Variants in AKAP13 observed in about 807,000 individuals in gnomAD.
The protein encoded by AKAP13 is A-kinase anchoring protein 13, also known as A-kinase anchor protein 13.
Under a neutral mutation model 264.5 loss-of-function variants are expected in AKAP13, and 80 were observed. The ratio of observed to expected loss-of-function variants is 0.30; its 90% confidence interval spans 0.25 to 0.36. AKAP13 has a LOEUF of 0.36. Ranked by LOEUF, AKAP13 falls within the 10% of genes least tolerant of loss-of-function variation. The pLI, the probability that AKAP13 is intolerant of heterozygous loss-of-function variation, is 1.00. For missense variants in AKAP13, 3,712 were observed against 3,435.2 expected (o/e 1.08, Z -2.01); for synonymous variants, 1,380 against 1,250.2 (o/e 1.10, Z -2.19).
At chr15:85,521,919 G>A (rs1392235238) in intron 3 of AKAP13, among the ~76,000 whole-genome samples, 1 of 152,126 alleles carries the variant, frequency 6.6e-6, no homozygotes, top group Non-Finnish European at 1.5e-5. Context: ...ATTCTAGAGA[G>A]TCTCTAGGTA....
intron 1 of AKAP13, among the ~76,000 whole-genome samples, chr15:85,480,300 G>T (rs2075309283): frequency 6.6e-6 from 1 of 152,134 alleles, no homozygotes; most frequent in African/African-American, 2.4e-5. Context: ...GCCATTTATG[G>T]ATTTCAAAGT....
intron 1 of AKAP13, among the ~76,000 whole-genome samples, chr15:85,475,773 T>G (rs539603821): frequency 2.8e-4 from 43 of 152,338 alleles, no homozygotes; most frequent in African/African-American, 7.0e-4. Flanking sequence ...GATGAGTTGA[T>G]TTTTGTACTT....
intron 9 of AKAP13, among the ~76,000 whole-genome samples, chr15:85,640,497 A>T (rs1352625643): frequency 6.6e-6 from 1 of 152,202 alleles, no homozygotes; most frequent in Non-Finnish European, 1.5e-5. Flanking sequence ...TAACTTTACT[A>T]CAAAGGAAAT....
rs759526089 is a variant in AKAP13 at position 85,743,722 on chromosome 15, C to T, written c.8289C>T (p.Ala2763=). 2.5e-6 allele frequency: 4 copies of T among 1,614,128 alleles called. No individual in the cohort carries two copies. Among genetic ancestry groups the T allele is most frequent in the South Asian group, 2.2e-5 (2 of 91,072 alleles). ...AAGGACCAGAAGGGCAGAGCCAGGCCCCTGCGTCCACCTCTGCCTCTACCC... is the reference window on the plus strand; with the variant it reads ...AAGGACCAGAAGGGCAGAGCCAGGCTCCTGCGTCCACCTCTGCCTCTACCC... ...TNKGPEGQSQ[A]PASTSASTRL... The change falls in exon 36 of 37, where the codon GCC becomes GCT. Residue 2763 remains alanine, a synonymous_variant. Coordinates refer to ENST00000394518, the MANE Select transcript of AKAP13 (RefSeq NM_007200.5).
intron 18 of AKAP13, 97 bp from the exon 19 acceptor site, chr15:85,710,482 G>C (rs2086578618): frequency 8.3e-7 from 1 of 1,210,434 alleles, no homozygotes; most frequent in South Asian, 1.5e-5. Context: ...AAAAAGCAGA[G>C]TGGGAAAGGA....
intron 14 of AKAP13, among the ~76,000 whole-genome samples, chr15:85,676,114 T>C (rs1014416063): frequency 2.0e-5 from 3 of 152,134 alleles, no homozygotes; most frequent in Non-Finnish European, 4.4e-5. Flanking sequence ...GGTTTCACCG[T>C]GTTGGCCAGG....
At chr15:85,534,441 G>GT (rs576674839) in intron 4 of AKAP13, 38 of 150,700 alleles carry the variant, frequency 2.5e-4, no homozygotes, top group South Asian at 1.1e-3. Flanking sequence ...TTTGTTTTTT[G>GT]TTTTTTTTTG....
chr15:85,716,000 A>G, intron 20 of AKAP13, 77 bp downstream of exon 20: 1 of 1,456,028 alleles, frequency 6.9e-7, no homozygotes, highest in Non-Finnish European at 9.1e-7. Context: ...TATGACAAAA[A>G]GCTTTTTTTT....
intron 8 of AKAP13, chr15:85,619,636 C>G: frequency 1.0e-6 from 1 of 986,416 alleles, no homozygotes; most frequent in Non-Finnish European, 1.2e-6. Flanking sequence ...TTCTCTCCCT[C>G]TTCCTGGCAA....
chr15:85,613,419 C>T (rs1050164491), intron 8 of AKAP13, among the ~76,000 whole-genome samples: 6 of 152,158 alleles, frequency 3.9e-5, no homozygotes, highest in Admixed American at 3.9e-4. Context: ...CGGTGGCTCA[C>T]GCCTGTAATC....
intron 9 of AKAP13, among the ~76,000 whole-genome samples, chr15:85,641,524 C>T (rs928169821): frequency 2.7e-5 from 4 of 150,810 alleles, no homozygotes; most frequent in Admixed American, 6.6e-5. Flanking sequence ...CTCGCTCTGT[C>T]GCCCAGGCTG....
At chr15:85,552,099 G>T (rs552587185) in intron 5 of AKAP13, among the ~76,000 whole-genome samples, 10 of 152,296 alleles carry the variant, frequency 6.6e-5, no homozygotes, top group Non-Finnish European at 1.5e-4. Flanking sequence ...GAAGTTACGC[G>T]ATACAAGAAT....
chr15:85,592,782 T>C (rs947901554), intron 8 of AKAP13, among the ~76,000 whole-genome samples: 1 of 152,102 alleles, frequency 6.6e-6, no homozygotes, highest in Non-Finnish European at 1.5e-5. Flanking sequence ...TTTAATACAA[T>C]TGTGGAAAAG....
In AKAP13 at chr15:85,503,070, C is replaced by T. The variant is rs767434447; in HGVS notation, c.33+17317C>T. ...TTTTCTTTGTACCTAGTGTATGCTA[C>T]GTACTTGGTATACCTTGTTAAAATA... On this transcript the variant is annotated intron_variant, in intron 2 of 36. Coordinates refer to ENST00000394518, the MANE Select transcript of AKAP13 (RefSeq NM_007200.5). Among the ~76,000 whole-genome samples, 79 of 152,110 alleles carry T rather than the reference C, an allele frequency of 5.2e-4. 1 individual carries two copies. The highest frequency in any genetic ancestry group is 2.2e-4 in the Non-Finnish European group (15 of 68,028).
At chr15:85,583,504 G>A (rs187383430) in intron 7 of AKAP13, among the ~76,000 whole-genome samples, 7 of 152,130 alleles carry the variant, frequency 4.6e-5, no homozygotes, top group African/African-American at 1.7e-4. Context: ...ATTTAAATGA[G>A]GTCTCTAATT....
In AKAP13 at chr15:85,747,859, C is replaced by CTGTGACTCAGCAA. The variant is rs1184616236; in HGVS notation, c.*3182_*3183insTGTGACTCAGCAA. The CTGTGACTCAGCAA allele has an allele frequency of 1.3e-5, 2 of 153,268 alleles. No individual in the cohort carries two copies. Among genetic ancestry groups the CTGTGACTCAGCAA allele is most frequent in the African/African-American group, 4.8e-5 (2 of 41,410 alleles). The allele number at this position is 153,268 out of a possible 1,614,324, so 9.5% of individuals were successfully genotyped here. A position where few individuals can be genotyped will look rare whatever the true frequency, so the allele number is the denominator to read the frequency against. On this transcript the variant is annotated 3_prime_UTR_variant, in exon 37 of 37. Transcript: ENST00000394518. ...TTCTGTGTCTCAGGGTAATACTATT[C>CTGTGACTCAGCAA]AGAGTCGCCCCTTTGCTCATTTTCT...
chr15:85,443,408 C>T (rs1811184628), intron 1 of AKAP13, among the ~76,000 whole-genome samples: 1 of 152,146 alleles, frequency 6.6e-6, no homozygotes, highest in Non-Finnish European at 1.5e-5. Flanking sequence ...TAACTAATTA[C>T]TAGCTGTGGA....
chr15:85,672,988 C>G (rs186017838), intron 14 of AKAP13, among the ~76,000 whole-genome samples: 8 of 152,272 alleles, frequency 5.3e-5, no homozygotes, highest in Admixed American at 4.6e-4. Flanking sequence ...CTAAACTCAT[C>G]CTAATCTCAC....
chr15:85,483,397 C>T (rs1166660757), intron 1 of AKAP13, among the ~76,000 whole-genome samples: 5 of 152,212 alleles, frequency 3.3e-5, no homozygotes, highest in Admixed American at 1.3e-4. Flanking sequence ...GAGGCCGAGG[C>T]GGGTGGATCA....
Sources: allele counts gnomAD v4.1 joint callset (sites outside exome capture counted in the v4.1 genomes callset), GRCh38; gene constraint gnomAD v4.1.1; transcripts MANE v1.5; gene names NCBI Gene and HGNC (gene_info 2026-07-23, HGNC 2026-07-21).